The following STK10 variants were observed in gnomAD, a reference collection of about 807,000 sequenced individuals.
The protein encoded by STK10 is serine/threonine-protein kinase 10.
A neutral mutation model predicts 113.8 loss-of-function variants in STK10; 78 were observed. The observed-to-expected ratio is 0.69, with a 90% CI of 0.57 to 0.83. STK10 has a LOEUF of 0.83. Ranked by LOEUF, STK10 falls within the 40% of genes least tolerant of loss-of-function variation. The pLI is 0.00. For synonymous variants in STK10, 465 were observed against 494.7 expected (o/e 0.94, Z 0.80); for missense variants, 1,109 against 1,280.1 (o/e 0.87, Z 2.04).
chr5:172,117,095 A>T (rs944675555), intron 4 of STK10, among the ~76,000 whole-genome samples: 2 of 152,046 alleles, frequency 1.3e-5, no homozygotes, highest in Admixed American at 1.3e-4. Flanking sequence ...CTTGGCCAAC[A>T]TGGTGAAACC....
At chr5:172,179,529 C>T (rs1184719403) in intron 1 of STK10, among the ~76,000 whole-genome samples, 1 of 152,190 alleles carries the variant, frequency 6.6e-6, no homozygotes, top group Non-Finnish European at 1.5e-5. Context: ...CCTTCCACCG[C>T]AGCTTGCTTT....
At chr5:172,101,526 A>G (rs1452637613) in intron 7 of STK10, among the ~76,000 whole-genome samples, 1 of 152,000 alleles carries the variant, frequency 6.6e-6, no homozygotes, top group African/African-American at 2.4e-5. Flanking sequence ...AGGGCTCTCT[A>G]TATACCAGGC....
chr5:172,110,129 G>A (rs1033740875), intron 4 of STK10, among the ~76,000 whole-genome samples: 44 of 152,226 alleles, frequency 2.9e-4, no homozygotes, highest in African/African-American at 1.1e-3. Context: ...AGAATACAAT[G>A]AGGACCCTCG....
chr5:172,171,259 C>T (rs1770660574), intron 1 of STK10, among the ~76,000 whole-genome samples: 1 of 152,196 alleles, frequency 6.6e-6, no homozygotes, highest in Non-Finnish European at 1.5e-5. Context: ...AACTGTTTCC[C>T]AATCCCAGCT....
chr5:172,175,426 C>T (rs1454740118), intron 1 of STK10, among the ~76,000 whole-genome samples: 2 of 152,108 alleles, frequency 1.3e-5, no homozygotes, highest in South Asian at 4.1e-4. Flanking sequence ...TCAGCACTCA[C>T]CCTCCCTGCT....
chr5:172,089,623 T>C (rs1057155607), intron 10 of STK10, among the ~76,000 whole-genome samples: 6 of 151,952 alleles, frequency 3.9e-5, no homozygotes, highest in Non-Finnish European at 8.8e-5. Context: ...GGTGGATGGA[T>C]AGATAAACAG....
At position 172,082,229 on chromosome 5, in the gene STK10, C is replaced by A. The variant is rs1768449417; in HGVS notation, c.1989+97G>T. 1 of 1,378,834 alleles carries A rather than the reference C, an allele frequency of 7.3e-7. No individual in the cohort carries two copies. Among genetic ancestry groups the A allele is most frequent in the African/African-American group, 1.5e-5 (1 of 67,516 alleles). 85.4% of individuals were successfully genotyped at this position (1,378,834 alleles called of 1,614,324 possible). On this transcript the variant is annotated intron_variant, in intron 12 of 18. Transcript: ENST00000176763. This position sits in a 1 kb window ranked among gnomAD's most constrained non-coding sequence, Gnocchi z 4.3. ...GCTCCCGAGCTCTTCAGCCGTACCCCTCTGCTGCCAAGGTGAGGTTGAGGC... is the reference window on the plus strand; with the variant it reads ...GCTCCCGAGCTCTTCAGCCGTACCCATCTGCTGCCAAGGTGAGGTTGAGGC...
chr5:172,066,509 A>G (rs1485941741), intron 12 of STK10, among the ~76,000 whole-genome samples: 1 of 152,222 alleles, frequency 6.6e-6, no homozygotes, highest in Non-Finnish European at 1.5e-5. Flanking sequence ...ACAGAAGGCC[A>G]GGCGGAGTGG....
Position 172,187,987 on chromosome 5 carries a change from TTTCTC to T in STK10, c.51_55del (p.Arg18ValfsTer5). The T allele has an allele frequency of 6.2e-7, 1 of 1,613,534 alleles. No homozygotes were observed. The highest frequency in any genetic ancestry group is 8.5e-7 in the Non-Finnish European group (1 of 1,179,790). ...GCGGACGTGCTCATATTCGCGGGAC[TTTCTC>T]TTCTCGAAGGTAGACAGGCGCAGGA... On this transcript the variant is annotated frameshift_variant, in exon 1 of 19. Coordinates refer to ENST00000176763, the MANE Select transcript of STK10 (RefSeq NM_005990.4). LOFTEE classifies it high-confidence loss of function. The surrounding 1 kb of genome is among the most constrained non-coding windows in gnomAD (Gnocchi z 4.6).
chr5:172,055,293 G>A (rs562160479), intron 16 of STK10, among the ~76,000 whole-genome samples: 27 of 152,068 alleles, frequency 1.8e-4, no homozygotes, highest in African/African-American at 5.5e-4. Context: ...TCTGCCTCCC[G>A]GGCTCAAGCG....
chr5:172,064,931 C>T (rs58074697), intron 12 of STK10, 119 bp from the exon 13 acceptor site: 86,900 of 1,083,470 alleles, frequency 0.08, 8,836 homozygotes, highest in African/African-American at 0.45. Context: ...AGCTTTGCAG[C>T]GGCCAGCACC....
chr5:172,139,143 T>A (rs1187431499), intron 2 of STK10, among the ~76,000 whole-genome samples: 1 of 152,362 alleles, frequency 6.6e-6, no homozygotes, highest in East Asian at 1.9e-4. Flanking sequence ...TTCATTGTAA[T>A]CCCTGTCAAA....
chr5:172,158,934 A>G (rs1770408175), intron 1 of STK10, among the ~76,000 whole-genome samples: 1 of 152,194 alleles, frequency 6.6e-6, no homozygotes, highest in African/African-American at 2.4e-5. Flanking sequence ...TTTGTAGAGG[A>G]TGATGAAAAT....
At position 172,043,066 on chromosome 5, in the gene STK10, A is replaced by G. The variant is rs143151487; in HGVS notation, c.*1816T>C. On this transcript the variant is annotated 3_prime_UTR_variant, in exon 19 of 19. Coordinates refer to ENST00000176763, the MANE Select transcript of STK10 (RefSeq NM_005990.4). ...CGAGTTTGAGATCAGCTTGGGCAAC[A>G]TATTAGAGACCCTGTCTCAAAGAAT... is the stretch of plus-strand genomic sequence containing the variant. 1 of 151,828 alleles carries G rather than the reference A, an allele frequency of 6.6e-6. No individual in the cohort carries two copies. The highest frequency in any genetic ancestry group is 1.5e-5 in the Non-Finnish European group (1 of 68,018). 9.4% of individuals were successfully genotyped at this position (151,828 alleles called of 1,614,324 possible). A position where few individuals can be genotyped will look rare whatever the true frequency, so the allele number is the denominator to read the frequency against.
intron 3 of STK10, among the ~76,000 whole-genome samples, chr5:172,127,162 A>T (rs1459571791): frequency 6.6e-6 from 1 of 151,958 alleles, no homozygotes; most frequent in Non-Finnish European, 1.5e-5. Context: ...ACAGAGCAAG[A>T]CTCTGTCTCA....
chr5:172,048,577 G>C (rs1211025456), intron 18 of STK10, among the ~76,000 whole-genome samples: 1 of 152,154 alleles, frequency 6.6e-6, no homozygotes, highest in African/African-American at 2.4e-5. Context: ...GTGCCAGCTA[G>C]AGAGGAAATG....
intron 12 of STK10, among the ~76,000 whole-genome samples, chr5:172,078,862 G>C (rs1561798024): frequency 6.6e-6 from 1 of 151,690 alleles, no homozygotes; most frequent in Non-Finnish European, 1.5e-5. Flanking sequence ...TCTGGGAAAG[G>C]GTGAGGAGAT....
intron 1 of STK10, among the ~76,000 whole-genome samples, chr5:172,177,618 T>G (rs1251073255): frequency 1.3e-5 from 2 of 152,222 alleles, no homozygotes; most frequent in African/African-American, 2.4e-5. Context: ...TTTCAAAGAC[T>G]TCGCATGAAA....
At chr5:172,081,982 T>G (rs116126297) in intron 12 of STK10, among the ~76,000 whole-genome samples, 1,974 of 152,262 alleles carry the variant, frequency 0.013, 37 homozygotes, top group African/African-American at 0.046. Flanking sequence ...CCACTCGCCC[T>G]TCTGGGAACA....
Sources: allele counts gnomAD v4.1 joint callset (sites outside exome capture counted in the v4.1 genomes callset), GRCh38; gene constraint gnomAD v4.1.1; non-coding constraint Gnocchi (gnomAD v3.1); transcripts MANE v1.5; gene names NCBI Gene and HGNC (gene_info 2026-07-23, HGNC 2026-07-21).